Variants in ANKRD46 observed in about 807,000 individuals in gnomAD.
ANKRD46 encodes the protein ankyrin repeat domain 46.
In ANKRD46, 13 loss-of-function variants were observed where a neutral mutation model predicts 19.8. The ratio of observed to expected loss-of-function variants is 0.66; its 90% CI spans 0.43 to 1.04. The LOEUF (loss-of-function observed/expected upper bound fraction) is 1.04. Ranked by LOEUF, ANKRD46 falls within the 50% of genes least tolerant of loss-of-function variation. ANKRD46 has a pLI of 0.00. For missense variants in ANKRD46, 185 were observed against 274.8 expected (o/e 0.67, Z 2.31); for synonymous variants, 91 against 106.9 (o/e 0.85, Z 0.92).
chr8:100,526,283 T>C (rs560165080), intron 4 of ANKRD46, among the ~76,000 whole-genome samples: 2 of 152,096 alleles, frequency 1.3e-5, no homozygotes, highest in South Asian at 4.1e-4. Flanking sequence ...ATATTTCTAA[T>C]AAAAGGGTGC....
chr8:100,554,950 T>C (rs906293802), intron 1 of ANKRD46, among the ~76,000 whole-genome samples: 2 of 145,784 alleles, frequency 1.4e-5, no homozygotes, highest in African/African-American at 5.1e-5. Context: ...GAGAATCGTT[T>C]GATGCAGTGA....
At chr8:100,556,868 A>G (rs1812510462) in intron 1 of ANKRD46, 1 of 152,104 alleles carries the variant, frequency 6.6e-6, no homozygotes, top group Non-Finnish European at 1.5e-5. Context: ...CTCCTTTGTA[A>G]TTATTCATCT....
Position 100,527,994 on chromosome 8 carries a change from TTGA to T in ANKRD46, c.318_320del (p.His106del). ...TTGCCAGAACTAAAGGGGTAGCACC[TTGA>T]TGATTGCTAAAAAAAAAAAAAAAAA... On this transcript the variant is annotated inframe_deletion, in exon 4 of 5. Transcript: ENST00000335659. This position sits in a 1 kb window ranked among gnomAD's most constrained non-coding sequence, Gnocchi z 4.0. 1 of 1,505,934 alleles carries T rather than the reference TTGA, an allele frequency of 6.6e-7. No homozygotes were observed. Among genetic ancestry groups the T allele is most frequent in the Non-Finnish European group, 8.8e-7 (1 of 1,133,948 alleles). The allele number at this position is 1,505,934 out of a possible 1,614,324, so 93.3% of individuals were successfully genotyped here. A position where few individuals can be genotyped will look rare whatever the true frequency, so the allele number is the denominator to read the frequency against.
At chr8:100,514,617 C>CTTTTT (rs35216029) in intron 5 of ANKRD46, among the ~76,000 whole-genome samples, 3,780 of 73,770 alleles carry the variant, frequency 0.051, 690 homozygotes, top group Non-Finnish European at 0.067. Context: ...CCTCCATCTT[C>CTTTTT]TTTTTTTTTT....
chr8:100,538,085 AC>A (rs1022872211), intron 1 of ANKRD46, among the ~76,000 whole-genome samples: 1 of 152,258 alleles, frequency 6.6e-6, no homozygotes, highest in African/African-American at 2.4e-5. Context: ...AATGCCTGGC[AC>A]ATTAAGTTTC....
chr8:100,521,961 T>C lies in ANKRD46; in HGVS notation c.*594A>G. ...AATATAAGATCAAATCAATTATCTT[T>C]GAACAAAATATAGCTCATTTTCAAA... On this transcript the variant is annotated 3_prime_UTR_variant, in exon 5 of 5. Coordinates refer to ENST00000335659, the MANE Select transcript of ANKRD46 (RefSeq NM_001270377.2). 12 of 983,260 alleles carry C rather than the reference T, an allele frequency of 1.2e-5. No individual in the cohort carries two copies. The highest frequency in any genetic ancestry group is 5.2e-4 in the Middle Eastern group (1 of 1,908). 60.9% of individuals were successfully genotyped at this position (983,260 alleles called of 1,614,324 possible). A position where few individuals can be genotyped will look rare whatever the true frequency, so the allele number is the denominator to read the frequency against.
chr8:100,511,148 C>A lies in ANKRD46; in HGVS notation c.637-509G>T, dbSNP rs957561699. Among the ~76,000 whole-genome samples the A allele has an allele frequency of 5.9e-5, 9 of 152,194 alleles. No homozygotes were observed. The highest frequency in any genetic ancestry group is 4.1e-4 in the South Asian group (2 of 4,830). On this transcript the variant is annotated intron_variant, in intron 5 of 5. Coordinates refer to the ANKRD46 transcript ENST00000520552. This position sits in a 1 kb window ranked among gnomAD's most constrained non-coding sequence, Gnocchi z 4.1. ...GAGCGGCTTACACATCGCAGCTGAT[C>A]CCCTGGTTAGCATTACTATTCCCAT...
downstream of ANKRD46, chr8:100,520,707 A>C: frequency 1.3e-6 from 1 of 782,016 alleles, no homozygotes; most frequent in Non-Finnish European, 1.5e-6. Context: ...ATTGCAATCC[A>C]TTACAAAATC....
chr8:100,559,188 G>A lies in ANKRD46; in HGVS notation c.-131+523C>T, dbSNP rs1812562995. The A allele has an allele frequency of 6.6e-6, 1 of 152,198 alleles. No homozygotes were observed. Among genetic ancestry groups the A allele is most frequent in the South Asian group, 2.1e-4 (1 of 4,828 alleles). The allele number at this position is 152,198 out of a possible 1,614,324, so 9.4% of individuals were successfully genotyped here. On this transcript the variant is annotated intron_variant, in intron 1 of 4. Coordinates refer to ENST00000335659, the MANE Select transcript of ANKRD46 (RefSeq NM_001270377.2). The surrounding 1 kb of genome is among the most constrained non-coding windows in gnomAD (Gnocchi z 6.0). ...TAAGGGAGGAAGTTTGCGATTACCCGAGCCCTAAGTGGAAGGTGTGCAAAT... is the reference window on the plus strand; with the variant it reads ...TAAGGGAGGAAGTTTGCGATTACCCAAGCCCTAAGTGGAAGGTGTGCAAAT...
chr8:100,513,070 T>C (rs1811573212), intron 5 of ANKRD46, among the ~76,000 whole-genome samples: 1 of 152,222 alleles, frequency 6.6e-6, no homozygotes, highest in Non-Finnish European at 1.5e-5. Context: ...GGATTTGTAA[T>C]TGATAATGTA....
intron 1 of ANKRD46, among the ~76,000 whole-genome samples, chr8:100,549,253 A>C (rs1346963782): frequency 2.0e-5 from 3 of 152,108 alleles, no homozygotes; most frequent in African/African-American, 7.2e-5. Flanking sequence ...TACAGGCGTG[A>C]GCCACTGTGC....
rs895376100 is a variant in ANKRD46 at position 100,510,378 on chromosome 8, C to T, written c.*199G>A. 12 of 440,374 alleles carry T rather than the reference C, an allele frequency of 2.7e-5. No homozygotes were observed. The highest frequency in any genetic ancestry group is 7.6e-5 in the South Asian group (1 of 13,222). 27.3% of individuals were successfully genotyped at this position (440,374 alleles called of 1,614,324 possible). A position where few individuals can be genotyped will look rare whatever the true frequency, so the allele number is the denominator to read the frequency against. ...GGAGGCCAGGAAGACAGCAGGTGCC[C>T]GGGCTGCCTGCAGGGCAGGACTGGA... On this transcript the variant is annotated 3_prime_UTR_variant, in exon 6 of 6. Coordinates refer to the ANKRD46 transcript ENST00000520552. The surrounding 1 kb of genome is among the most constrained non-coding windows in gnomAD (Gnocchi z 4.9).
At chr8:100,551,270 A>G (rs555385157) in intron 1 of ANKRD46, 60 of 491,406 alleles carry the variant, frequency 1.2e-4, no homozygotes, top group Admixed American at 2.1e-4. Flanking sequence ...TACAGAAGGC[A>G]TTGCTGATGA....
chr8:100,530,683 C>A (rs1357639006), intron 2 of ANKRD46, among the ~76,000 whole-genome samples: 3 of 152,044 alleles, frequency 2.0e-5, no homozygotes, highest in Non-Finnish European at 4.4e-5. Context: ...CCGCGCCTGG[C>A]CTATAGCACA....
downstream of ANKRD46, among the ~76,000 whole-genome samples, chr8:100,517,864 C>T (rs1023316223): frequency 6.6e-6 from 1 of 152,160 alleles, no homozygotes; most frequent in African/African-American, 2.4e-5. Context: ...GGTGTTCACT[C>T]CAAGATAAAC....
Position 100,557,196 on chromosome 8 carries a change from G to A in ANKRD46, c.-131+2515C>T. Among the ~76,000 whole-genome samples the A allele has an allele frequency of 6.6e-6, 1 of 152,134 alleles. No homozygotes were observed. The highest frequency in any genetic ancestry group is 6.5e-5 in the Admixed American group (1 of 15,270). On this transcript the variant is annotated intron_variant, in intron 1 of 4. Transcript: ENST00000335659. This position sits in a 1 kb window ranked among gnomAD's most constrained non-coding sequence, Gnocchi z 5.9. ...AACTCCCGTCTCTATAACCCCACTT[G>A]AACAGGCATCTCAAACCTGACTAAA...
At chr8:100,531,256 T>G (rs999311706) in intron 2 of ANKRD46, among the ~76,000 whole-genome samples, 15 of 152,220 alleles carry the variant, frequency 9.9e-5, no homozygotes, top group Non-Finnish European at 2.2e-4. Flanking sequence ...AAAAGCTTAG[T>G]CACATATGGA....
chr8:100,548,451 T>A (rs1247397808), intron 1 of ANKRD46, among the ~76,000 whole-genome samples: 1 of 152,228 alleles, frequency 6.6e-6, no homozygotes, highest in Non-Finnish European at 1.5e-5. Context: ...ACTTTTCACA[T>A]CACCCTGCTT....
chr8:100,522,864 T>TACACACACACAC (rs199938933), intron 4 of ANKRD46, 93 bp from the exon 5 acceptor site: 81 of 594,252 alleles, frequency 1.4e-4, no homozygotes, highest in African/African-American at 1.3e-3. Context: ...AAAGACCAAA[T>TACACACACACAC]ACACACACAC....
Sources: allele counts gnomAD v4.1 joint callset (sites outside exome capture counted in the v4.1 genomes callset), GRCh38; gene constraint gnomAD v4.1.1; non-coding constraint Gnocchi (gnomAD v3.1); transcripts MANE v1.5; gene names NCBI Gene and HGNC (gene_info 2026-07-23, HGNC 2026-07-21).